The following PTPRF variants were observed in gnomAD, a reference collection of about 807,000 sequenced individuals.
PTPRF encodes the protein protein tyrosine phosphatase receptor type F, also known as receptor-type tyrosine-protein phosphatase F.
A neutral mutation model predicts 201.8 loss-of-function variants in PTPRF; 59 were observed. The ratio of observed to expected loss-of-function variants is 0.29; its 90% CI spans 0.24 to 0.36. The LOEUF is 0.36. Among genes scored for constraint, PTPRF ranks in the 10% least tolerant of loss-of-function variants. The pLI, the probability that PTPRF is intolerant of heterozygous loss-of-function variation, is 1.00. For synonymous variants in PTPRF, 1,088 were observed against 1,089.7 expected (o/e 1.00, Z 0.03); for missense variants, 2,132 against 2,690.5 (o/e 0.79, Z 4.59).
In PTPRF at chr1:43,568,726, G is replaced by A. The variant is rs1646360589; in HGVS notation, c.380-864G>A. ...GCAGCCCCTCGGGGCTGATATGGGAGCCCATGTACAGTGGGAGTGGGTTTG... is the reference window on the plus strand; with the variant it reads ...GCAGCCCCTCGGGGCTGATATGGGAACCCATGTACAGTGGGAGTGGGTTTG... On this transcript the variant is annotated intron_variant, in intron 5 of 33. Coordinates refer to ENST00000359947, the MANE Select transcript of PTPRF (RefSeq NM_002840.5). Among the ~76,000 whole-genome samples the A allele has an allele frequency of 2.6e-5, 4 of 152,074 alleles. No individual in the cohort carries two copies. In the South Asian group the frequency reaches 8.3e-4, roughly 32 times the overall value.
intron 2 of PTPRF, among the ~76,000 whole-genome samples, chr1:43,543,949 C>T (rs1311122687): frequency 6.6e-6 from 1 of 152,216 alleles, no homozygotes; most frequent in East Asian, 1.9e-4. Context: ...CCTGGTGCCC[C>T]CCAGGTGAGG....
upstream of PTPRF, among the ~76,000 whole-genome samples, chr1:43,528,087 C>A (rs774274116): frequency 5.3e-5 from 8 of 152,362 alleles, no homozygotes; most frequent in Non-Finnish European, 1.0e-4. Flanking sequence ...GGCACAGATA[C>A]AAACAGTGGT....
chr1:43,601,218 C>G (rs1653663615), intron 13 of PTPRF, among the ~76,000 whole-genome samples: 4 of 152,208 alleles, frequency 2.6e-5, no homozygotes, highest in Admixed American at 6.5e-5. Context: ...TTGGAGACAT[C>G]CTGGACCATC....
In PTPRF at chr1:43,606,975, A is replaced by G. The variant is rs1349346611; in HGVS notation, c.3857+7A>G. 1.9e-6 allele frequency: 3 copies of G among 1,613,568 alleles called. No homozygotes were observed. Among genetic ancestry groups the G allele is most frequent in the Non-Finnish European group, 1.7e-6 (2 of 1,179,826 alleles). Reference sequence around the variant, plus strand: ...CCATCCTCTTGTTCAAAAGGTGAGCACTGCCCTCAGAGCTCCGGGAACGGC... The same window carrying G: ...CCATCCTCTTGTTCAAAAGGTGAGCGCTGCCCTCAGAGCTCCGGGAACGGC... On this transcript the variant is annotated splice_region_variant and intron_variant, in intron 21 of 33. Coordinates refer to ENST00000359947, the MANE Select transcript of PTPRF (RefSeq NM_002840.5).
chr1:43,608,252 T>C (rs1655613235), intron 21 of PTPRF, among the ~76,000 whole-genome samples: 1 of 152,180 alleles, frequency 6.6e-6, no homozygotes, highest in African/African-American at 2.4e-5. Context: ...CCCATGTCAT[T>C]AGAGGGCTGA....
intron 10 of PTPRF, 87 bp from the exon 11 acceptor site, chr1:43,592,370 G>C: frequency 6.7e-7 from 1 of 1,495,332 alleles, no homozygotes. Flanking sequence ...TGGGTCCAGA[G>C]GTGTCACATT....
chr1:43,622,756 G>C lies in PTPRF; in HGVS notation c.*753G>C, dbSNP rs573572526. ...CATCCCTGGTCGTCTATCCCAGTGT[G>C]TGTTTAACATTCACAGCCCAGAACC... On this transcript the variant is annotated 3_prime_UTR_variant, in exon 34 of 34. Transcript: ENST00000359947. 4 of 152,752 alleles carry C rather than the reference G, an allele frequency of 2.6e-5. No individual in the cohort carries two copies. Among genetic ancestry groups the C allele is most frequent in the African/African-American group, 7.2e-5 (3 of 41,568 alleles). The allele number at this position is 152,752 out of a possible 1,614,324, so 9.5% of individuals were successfully genotyped here.
chr1:43,598,191 G>A (rs1652853983), intron 12 of PTPRF, 138 bp downstream of exon 12: 3 of 925,970 alleles, frequency 3.2e-6, no homozygotes, highest in Non-Finnish European at 4.5e-6. Flanking sequence ...CCTAAAGTGG[G>A]GGGATGTCAC....
intron 5 of PTPRF, among the ~76,000 whole-genome samples, chr1:43,569,299 T>G (rs1646409718): frequency 6.7e-6 from 1 of 148,898 alleles, no homozygotes; most frequent in African/African-American, 2.5e-5. Flanking sequence ...TTCTCGTTCT[T>G]CTCAGGGCCT....
intron 7 of PTPRF, among the ~76,000 whole-genome samples, chr1:43,582,804 C>T (rs759753773): frequency 1.6e-4 from 24 of 152,202 alleles, no homozygotes; most frequent in Non-Finnish European, 2.8e-4. Context: ...TCACCTGCCC[C>T]GGCCCCACCC....
At chr1:43,619,924 G>A in intron 29 of PTPRF, 66 bp downstream of exon 29, 1 of 1,584,378 alleles carries the variant, frequency 6.3e-7, no homozygotes, top group Non-Finnish European at 8.6e-7. Context: ...GGCTGGTGGG[G>A]GTGGGCAGCA....
At chr1:43,541,823 G>A (rs951608821) in intron 2 of PTPRF, among the ~76,000 whole-genome samples, 3 of 152,196 alleles carry the variant, frequency 2.0e-5, no homozygotes, top group Non-Finnish European at 2.9e-5. Flanking sequence ...CATACCGTAT[G>A]TAATTGTGTT....
At chr1:43,578,986 G>T in intron 7 of PTPRF, 66 bp downstream of exon 7, 1 of 1,467,444 alleles carries the variant, frequency 6.8e-7, no homozygotes, top group Non-Finnish European at 9.5e-7. Context: ...CGGGCTCTCT[G>T]CCCAGAGCCC....
At chr1:43,619,603 A>G (rs1658707286) in intron 28 of PTPRF, 30 bp downstream of exon 28, 1 of 1,610,126 alleles carries the variant, frequency 6.2e-7, no homozygotes, top group Non-Finnish European at 8.5e-7. Flanking sequence ...GCTTGGCTCC[A>G]GGGCCTAGAC....
rs761487819 is a variant in PTPRF at position 43,613,672 on chromosome 1, G to A, written c.4028G>A (p.Arg1343His). 3.3e-5 allele frequency: 53 copies of A among 1,614,052 alleles called. No homozygotes were observed. Among genetic ancestry groups the A allele is most frequent in the African/African-American group, 5.3e-5 (4 of 74,926 alleles). The change falls in exon 23 of 34, where the codon CGC (arginine) becomes CAC (histidine). Residue 1343 changes from arginine (R) to histidine (H), a missense_variant. By Grantham distance (29) the Arg-to-His change is conservative. This residue lies in a region of PTPRF where 818 missense variants were observed against 915.3 expected (regional missense o/e 0.89). Coordinates refer to ENST00000359947, the MANE Select transcript of PTPRF (RefSeq NM_002840.5). ...PITDLADNIE[R>H]LKANDGLKFS... ...ACCGACCTGGCGGACAACATCGAGC[G>A]CCTCAAAGCCAACGATGGCCTCAAG...
upstream of PTPRF, among the ~76,000 whole-genome samples, chr1:43,522,543 TC>T (rs1642987417): frequency 6.6e-6 from 1 of 152,196 alleles, no homozygotes; most frequent in African/African-American, 2.4e-5. Flanking sequence ...CAGGCATCAA[TC>T]CATTAAATGT....
rs200147342 is a variant in PTPRF, at chr1:43,591,926, C to T, written c.1646C>T (p.Ala549Val). The T allele has an allele frequency of 1.8e-5, 29 of 1,613,618 alleles. No homozygotes were observed. Among genetic ancestry groups the T allele is most frequent in the South Asian group, 6.6e-5 (6 of 91,076 alleles). ...ATCATGTATGAACTGGTGTACTGGG[C>T]GGCAGAGGACGAAGACCAACAGGTG... ...RIIMYELVYW[A>V]AEDEDQQHKV... Residue 549 changes from alanine to valine, a missense_variant, in exon 10 of 34, where the codon GCG (alanine) becomes GTG (valine). Ala to Val is a moderately conservative substitution (Grantham distance 64). Transcript: ENST00000359947.
Position 43,609,383 on chromosome 1 carries a change from G to A in PTPRF, c.3858G>A (p.Arg1286=), listed in dbSNP as rs141618798. ...LIVIAILLFK[R]KRTHSPSSKD... is the part of the protein sequence containing the mutation. ...ACCAGCCTCCCTTCTGTCTCTCTAGGAAAAGGACCCACTCTCCGTCCTCTA... is the reference window on the plus strand; with the variant it reads ...ACCAGCCTCCCTTCTGTCTCTCTAGAAAAAGGACCCACTCTCCGTCCTCTA... The change falls in exon 22 of 34, where the codon AGG becomes AGA. Residue 1286 remains arginine, a splice_region_variant and synonymous_variant. Coordinates refer to ENST00000359947, the MANE Select transcript of PTPRF (RefSeq NM_002840.5). The A allele has an allele frequency of 3.2e-4, 511 of 1,613,470 alleles. 2 individuals are homozygous for A. In the East Asian group the frequency reaches 5.3e-3, roughly 17 times the overall value.
upstream of PTPRF, among the ~76,000 whole-genome samples, chr1:43,527,387 G>A (rs149010649): frequency 1.1e-3 from 167 of 152,334 alleles, no homozygotes; most frequent in Non-Finnish European, 1.7e-3. Context: ...TCCCAGGCCC[G>A]GCCACCTGAG....
Sources: gnomAD v4.1 joint callset for allele counts (sites outside exome capture counted in the v4.1 genomes callset) on GRCh38, gnomAD v4.1.1 for gene constraint, gnomAD v4.1.1 regional missense constraint, MANE v1.5 for transcripts, NCBI Gene and HGNC (gene_info 2026-07-23, HGNC 2026-07-21) for gene names.